Variants in NETO1 observed in about 807,000 individuals in gnomAD.
NETO1 encodes neuropilin and tolloid-like protein 1.
A neutral mutation model predicts 61.3 loss-of-function variants in NETO1; 26 were observed. The ratio of observed to expected loss-of-function variants is 0.42; its 90% CI spans 0.31 to 0.59. NETO1 has a LOEUF of 0.59. Ranked by LOEUF, NETO1 falls within the 20% of genes least tolerant of loss-of-function variation. The pLI is 0.12. For missense variants in NETO1, 531 were observed against 662.8 expected, an observed-to-expected ratio of 0.80 and a Z score of 2.18; for synonymous variants, 225 against 225.8, an observed-to-expected ratio of 1.00 and a Z score of 0.03.
chr18:72,851,565 G>A (rs2074250522), intron 4 of NETO1, among the ~76,000 whole-genome samples: 1 of 152,130 alleles, frequency 6.6e-6, no homozygotes, highest in African/African-American at 2.4e-5. Flanking sequence ...AGTAATAATA[G>A]GTATTTGAGA....
At chr18:72,861,283 C>CAACCAG (rs2074564953) in intron 3 of NETO1, among the ~76,000 whole-genome samples, 1 of 152,184 alleles carries the variant, frequency 6.6e-6, no homozygotes, top group African/African-American at 2.4e-5. Context: ...TAATGACACA[C>CAACCAG]AACCAGAAAT....
chr18:72,761,073 C>T lies in NETO1; in HGVS notation c.869-4926G>A, dbSNP rs113959893. 3.0e-4 allele frequency among the ~76,000 whole-genome samples: 44 copies of T among 148,608 alleles called. 1 individual carries two copies. The highest frequency in any genetic ancestry group is 1.0e-3 in the African/African-American group (40 of 38,484). ...AAACTTAAAATGTTAAGATGTATGA[C>T]ATAAAATGTTAAGATGTATGATATA... On this transcript the variant is annotated intron_variant, in intron 7 of 10. Coordinates refer to ENST00000327305, the MANE Select transcript of NETO1 (RefSeq NM_138966.5).
rs190318533 is a variant in NETO1, at chr18:72,753,835, G to T, written c.982+2199C>A. On this transcript the variant is annotated intron_variant, in intron 8 of 10. Transcript: ENST00000327305. The stretch of plus-strand genomic sequence containing the variant: ...TGGGAGCTAAAATGTTATTGGGTGA[G>T]GAAATGACACCAGGGTAATGCAAAT... Among the ~76,000 whole-genome samples the T allele has an allele frequency of 3.9e-4, 60 of 152,150 alleles. 1 individual carries two copies. The East Asian group carries it at 0.01, about 25-fold the overall frequency.
chr18:72,831,237 C>T (rs1225989738), intron 4 of NETO1, among the ~76,000 whole-genome samples: 4 of 152,200 alleles, frequency 2.6e-5, no homozygotes. Context: ...CAGTGACTAA[C>T]ACATCTGATT....
chr18:72,862,452 CA>C (rs2074601810), intron 3 of NETO1, among the ~76,000 whole-genome samples: 1 of 152,166 alleles, frequency 6.6e-6, no homozygotes, highest in Non-Finnish European at 1.5e-5. Context: ...TCCATAAACA[CA>C]AACTAAACAC....
At chr18:72,818,975 AC>A (rs2073107766) in intron 4 of NETO1, among the ~76,000 whole-genome samples, 1 of 152,258 alleles carries the variant, frequency 6.6e-6, no homozygotes, top group South Asian at 2.1e-4. Flanking sequence ...AAAATGAATT[AC>A]ATTTTTCCAC....
intron 6 of NETO1, among the ~76,000 whole-genome samples, chr18:72,787,358 T>G (rs2145247518): frequency 6.6e-6 from 1 of 151,826 alleles, no homozygotes; most frequent in Middle Eastern, 3.4e-3. Context: ...GACACGTCTC[T>G]CCCAATAGTC....
chr18:72,820,258 G>A (rs1014267115), intron 4 of NETO1, among the ~76,000 whole-genome samples: 14 of 152,124 alleles, frequency 9.2e-5, no homozygotes, highest in African/African-American at 2.2e-4. Context: ...AACAATAAAC[G>A]TATGCAGATA....
intron 4 of NETO1, among the ~76,000 whole-genome samples, chr18:72,822,669 C>G (rs566483240): frequency 1.3e-5 from 2 of 152,272 alleles, no homozygotes; most frequent in South Asian, 4.1e-4. Flanking sequence ...GTAAAACATA[C>G]ATCAATTGTG....
intron 7 of NETO1, among the ~76,000 whole-genome samples, chr18:72,766,120 C>T (rs1332059436): frequency 1.3e-5 from 2 of 151,396 alleles, no homozygotes; most frequent in Admixed American, 6.6e-5. Flanking sequence ...CGGGGAGAAT[C>T]GTTTGAACCC....
At chr18:72,757,187 AAATG>A (rs1411087207) in intron 7 of NETO1, among the ~76,000 whole-genome samples, 1 of 152,170 alleles carries the variant, frequency 6.6e-6, no homozygotes, top group Non-Finnish European at 1.5e-5. Context: ...AATGATTGAC[AAATG>A]AAGATATATT....
chr18:72,817,110 C>G (rs796203154), intron 4 of NETO1, among the ~76,000 whole-genome samples: 2 of 152,212 alleles, frequency 1.3e-5, no homozygotes, highest in Non-Finnish European at 2.9e-5. Context: ...TATTCCTCTT[C>G]TCTTGGAACC....
downstream of NETO1, chr18:72,742,532 A>G (rs1232638747): frequency 1.3e-5 from 2 of 152,206 alleles, no homozygotes; most frequent in African/African-American, 4.8e-5. Context: ...TAAGGTGGAG[A>G]GAAGGTGTTA....
intron 3 of NETO1, among the ~76,000 whole-genome samples, chr18:72,863,079 T>C (rs1366128632): frequency 6.6e-6 from 1 of 152,186 alleles, no homozygotes; most frequent in Admixed American, 6.5e-5. Flanking sequence ...CTCACATTAT[T>C]CCTCAAGTTA....
intron 3 of NETO1, among the ~76,000 whole-genome samples, chr18:72,863,655 AC>A (rs945252491): frequency 2.6e-5 from 4 of 152,068 alleles, no homozygotes; most frequent in African/African-American, 9.7e-5. Context: ...CCCAATAATT[AC>A]CAAAAAAAAA....
At chr18:72,778,292 TTTTATCA>T (rs1306819545) in intron 7 of NETO1, among the ~76,000 whole-genome samples, 1 of 152,216 alleles carries the variant, frequency 6.6e-6, no homozygotes, top group African/African-American at 2.4e-5. Context: ...TCCACACTTA[TTTTATCA>T]GATGCCTGCC....
intron 4 of NETO1, among the ~76,000 whole-genome samples, chr18:72,855,411 G>A (rs1006599743): frequency 6.6e-6 from 1 of 152,166 alleles, no homozygotes; most frequent in African/African-American, 2.4e-5. Context: ...CCGCTGCACT[G>A]TGGACCTGGG....
Position 72,750,498 on chromosome 18 carries a change from G to A in NETO1, c.1105C>T (p.Arg369Cys). 1.9e-6 allele frequency: 3 copies of A among 1,614,022 alleles called. No homozygotes were observed. Among genetic ancestry groups the A allele is most frequent in the Middle Eastern group, 1.6e-4 (1 of 6,062 alleles). ...ISVIVQIKQP[R>C]KKYVQRKSDF... ...GATTTCCTTTGGACATACTTTTTAC[G>A]AGGCTGTTTGATCTGTACGATGACA... Residue 369 changes from arginine to cysteine, a missense_variant, in exon 9 of 11, where the codon CGT becomes TGT. Transcript: ENST00000327305.
At chr18:72,748,923 A>G (rs2070496733) in intron 10 of NETO1, 91 bp downstream of exon 10, 1 of 809,810 alleles carries the variant, frequency 1.2e-6, no homozygotes, top group Non-Finnish European at 2.2e-6. Context: ...GAAATAATGG[A>G]TAAATAGCAC....
Sources: allele counts gnomAD v4.1 joint callset (sites outside exome capture counted in the v4.1 genomes callset), GRCh38; gene constraint gnomAD v4.1.1; transcripts MANE v1.5; gene names NCBI Gene and HGNC (gene_info 2026-07-23, HGNC 2026-07-21).